E2F4: variants seen among roughly 807,000 people sequenced by gnomAD.
E2F4 encodes transcription factor E2F4.
A neutral mutation model predicts 44.5 loss-of-function variants in E2F4; 16 were observed. That is an observed-to-expected ratio of 0.36 (90% CI 0.24 to 0.55). The LOEUF (loss-of-function observed/expected upper bound fraction) is 0.55, where lower values mean the gene tolerates loss of function less well. Ranked by LOEUF, E2F4 falls within the 20% of genes least tolerant of loss-of-function variation. The probability of loss-of-function intolerance (pLI) is 0.87; values close to 1 mark genes in which losing one functional copy is unlikely to be tolerated. For missense variants in E2F4, 473 were observed against 522.1 expected (o/e 0.91, Z 0.92); for synonymous variants, 242 against 207.2 (o/e 1.17, Z -1.44).
Position 67,198,275 on chromosome 16 carries a change from C to A in E2F4, c.*152C>A. ...TCACCGCACAGTTCTGGCCACAGCT[C>A]CCGCTCCTGTGCTGGCACTTCTGTG... On this transcript the variant is annotated 3_prime_UTR_variant, in exon 10 of 10. Coordinates refer to ENST00000379378, the MANE Select transcript of E2F4 (RefSeq NM_001950.4). The A allele has an allele frequency of 1.5e-6, 1 of 662,834 alleles. No homozygotes were observed. The highest frequency in any genetic ancestry group is 2.6e-5 in the East Asian group (1 of 37,836). The allele number at this position is 662,834 out of a possible 1,614,324, so 41.1% of individuals were successfully genotyped here. A position where few individuals can be genotyped will look rare whatever the true frequency, so the allele number is the denominator to read the frequency against.
In E2F4 at chr16:67,192,293, G is replaced by A. The variant is rs1207583015; in HGVS notation, c.66G>A (p.Leu22=). ...CTCCAAGCCGGCACGAAAAGAGCCTGGGACTGCTCACCACCAAGTTCGTGT... is the reference window on the plus strand; with the variant it reads ...CTCCAAGCCGGCACGAAAAGAGCCTAGGACTGCTCACCACCAAGTTCGTGT... ...PGTPSRHEKS[L]GLLTTKFVSL... The change falls in exon 1 of 10, where the codon CTG becomes CTA. Residue 22 remains leucine (L), a synonymous_variant. Coordinates refer to ENST00000379378, the MANE Select transcript of E2F4 (RefSeq NM_001950.4). 7.2e-7 allele frequency: 1 copy of A among 1,397,624 alleles called. No individual in the cohort carries two copies. The highest frequency in any genetic ancestry group is 3.0e-5 in the Admixed American group (1 of 33,010). 86.6% of individuals were successfully genotyped at this position (1,397,624 alleles called of 1,614,324 possible).
chr16:67,198,227 C>T lies in E2F4; in HGVS notation c.*104C>T, dbSNP rs3730413. The T allele has an allele frequency of 1.9e-4, 192 of 995,932 alleles. 1 individual carries two copies. The highest frequency in any genetic ancestry group is 1.6e-3 in the South Asian group (120 of 74,620). 61.7% of individuals were successfully genotyped at this position (995,932 alleles called of 1,614,324 possible). A position where few individuals can be genotyped will look rare whatever the true frequency, so the allele number is the denominator to read the frequency against. On this transcript the variant is annotated 3_prime_UTR_variant, in exon 10 of 10. Transcript: ENST00000379378. ...CCCTACAGAGCTTGAGAGCCACAGACGCCTGGCTTCTCCGGCCTCCCCTCA... is the reference window on the plus strand; with the variant it reads ...CCCTACAGAGCTTGAGAGCCACAGATGCCTGGCTTCTCCGGCCTCCCCTCA...
chr16:67,198,116 A>G lies in E2F4; in HGVS notation c.1235A>G (p.Asn412Ser). The part of the protein sequence containing the change: ...VCDLFDVPVL[N>S]L The stretch of plus-strand genomic sequence containing the variant: ...GACCTCTTTGATGTGCCTGTTCTCA[A>G]CCTCTGACTGACAGGGACATGCCCT... The change falls in exon 10 of 10, where the codon AAC becomes AGC. Residue 412 changes from asparagine to serine, a missense_variant. Transcript: ENST00000379378. 1.2e-6 allele frequency: 2 copies of G among 1,613,384 alleles called. No individual in the cohort carries two copies. The highest frequency in any genetic ancestry group is 1.7e-6 in the Non-Finnish European group (2 of 1,179,686).
At position 67,198,576 on chromosome 16, in the gene E2F4, A is replaced by C; in HGVS notation, c.*453A>C. ...TTCCTTCGCTATCCCCCACCCCCTGACCCTCCAGCTCCTCCTGGCCCTCTC... is the reference window on the plus strand; with the variant it reads ...TTCCTTCGCTATCCCCCACCCCCTGCCCCTCCAGCTCCTCCTGGCCCTCTC... On this transcript the variant is annotated 3_prime_UTR_variant, in exon 10 of 10. Coordinates refer to ENST00000379378, the MANE Select transcript of E2F4 (RefSeq NM_001950.4). 5.5e-6 allele frequency: 1 copy of C among 183,424 alleles called. No homozygotes were observed. The allele number at this position is 183,424 out of a possible 1,614,324, so 11.4% of individuals were successfully genotyped here. A position where few individuals can be genotyped will look rare whatever the true frequency, so the allele number is the denominator to read the frequency against.
intron 7 of E2F4, 113 bp downstream of exon 7, chr16:67,196,119 C>G: frequency 6.8e-7 from 1 of 1,477,520 alleles, no homozygotes; most frequent in Non-Finnish European, 9.3e-7. Flanking sequence ...CTGCTGGACA[C>G]GAGAGCTCTC....
intron 4 of E2F4, chr16:67,194,140 C>CTGTGG: frequency 2.0e-6 from 1 of 502,470 alleles, no homozygotes; most frequent in Non-Finnish European, 3.6e-6. Flanking sequence ...AGGGATCAGC[C>CTGTGG]ATCGGTAGAG....
In E2F4 at chr16:67,195,860, C is replaced by T. The variant is rs960839445; in HGVS notation, c.887C>T (p.Thr296Ile). ...CCACTGGGCCCAACAACACTGGACACCCGGCCACTGCAGTCTTCTGCCCTG... is the reference window on the plus strand; with the variant it reads ...CCACTGGGCCCAACAACACTGGACATCCGGCCACTGCAGTCTTCTGCCCTG... ...SLPLGPTTLDTRPLQSSALLD... is the reference protein window; with the variant it reads ...SLPLGPTTLDIRPLQSSALLD... Residue 296 changes from threonine (T) to isoleucine (I), a missense_variant, in exon 7 of 10, where the codon ACC becomes ATC. Thr to Ile is a moderately conservative substitution (Grantham distance 89, BLOSUM62 -1). This residue lies in a region of E2F4 where 314 missense variants were observed against 315.6 expected (regional missense o/e 0.99). Coordinates refer to ENST00000379378, the MANE Select transcript of E2F4 (RefSeq NM_001950.4). 6.2e-7 allele frequency: 1 copy of T among 1,614,118 alleles called. No homozygotes were observed. Among genetic ancestry groups the T allele is most frequent in the Admixed American group, 1.7e-5 (1 of 60,032 alleles).
chr16:67,198,151 G>A lies in E2F4; in HGVS notation c.*28G>A. ...GACAGGGACATGCCCTGTGTGGCTG[G>A]GACCCAGACTGTCTGACCTGGGGGT... On this transcript the variant is annotated 3_prime_UTR_variant, in exon 10 of 10. Transcript: ENST00000379378. 6.2e-7 allele frequency: 1 copy of A among 1,603,220 alleles called. No homozygotes were observed. Among genetic ancestry groups the A allele is most frequent in the Non-Finnish European group, 8.5e-7 (1 of 1,171,616 alleles).
At chr16:67,195,094 GA>G (rs2032946848) in intron 6 of E2F4, 114 bp downstream of exon 6, 2 of 1,338,226 alleles carry the variant, frequency 1.5e-6, no homozygotes, top group Admixed American at 5.1e-5. Context: ...TCCTTTTCCT[GA>G]CCACCTAGCC....
rs376202405 is a variant in E2F4 at position 67,195,929 on chromosome 16, G to A, written c.956G>A (p.Ser319Asn). 5.0e-5 allele frequency: 81 copies of A among 1,613,628 alleles called. No homozygotes were observed. The highest frequency in any genetic ancestry group is 4.0e-4 in the South Asian group (36 of 91,070). ...AGCAGCAGCAGCAGCAGCAGCAGCAGCAACAGTAACAGCAGCAGTTCGTCC... is the reference window on the plus strand; with the variant it reads ...AGCAGCAGCAGCAGCAGCAGCAGCAACAACAGTAACAGCAGCAGTTCGTCC... ...SSSSSSSSSS[S>N]NSNSSSSSGP... Residue 319 changes from serine (S) to asparagine (N), a missense_variant, in exon 7 of 10, where the codon AGC (serine) becomes AAC (asparagine). Coordinates refer to ENST00000379378, the MANE Select transcript of E2F4 (RefSeq NM_001950.4).
chr16:67,196,367 C>A (rs1259529646), intron 7 of E2F4, among the ~76,000 whole-genome samples: 4 of 152,116 alleles, frequency 2.6e-5, no homozygotes, highest in Admixed American at 2.6e-4. Context: ...CAGCAGTCAC[C>A]CCCCCAGCCC....
Position 67,197,889 on chromosome 16 carries a change from G to A in E2F4, c.1104G>A (p.Leu368=). 6.2e-7 allele frequency: 1 copy of A among 1,614,140 alleles called. No homozygotes were observed. The highest frequency in any genetic ancestry group is 8.5e-7 in the Non-Finnish European group (1 of 1,180,006). The change falls in exon 9 of 10, where the codon CTG becomes CTA. Residue 368 remains leucine (L), a synonymous_variant. Coordinates refer to ENST00000379378, the MANE Select transcript of E2F4 (RefSeq NM_001950.4). ...CAGAGTGCATGAGCTCGGAGCTGCT[G>A]GAGGAGTTGATGTCCTCAGAAGGTG... ...PTRECMSSEL[L]EELMSSEVFA...
At position 67,198,393 on chromosome 16, in the gene E2F4, G is replaced by A. The variant is rs1466589013; in HGVS notation, c.*270G>A. ...CTGCGGCCTTCGCCAGCCCAGGCTC[G>A]GCTGCCACCCAGTGGCACAGAACCG... On this transcript the variant is annotated 3_prime_UTR_variant, in exon 10 of 10. Coordinates refer to ENST00000379378, the MANE Select transcript of E2F4 (RefSeq NM_001950.4). 1.7e-5 allele frequency: 8 copies of A among 459,890 alleles called. No individual in the cohort carries two copies. The highest frequency in any genetic ancestry group is 1.2e-4 in the South Asian group (5 of 43,226). 28.5% of individuals were successfully genotyped at this position (459,890 alleles called of 1,614,324 possible). A position where few individuals can be genotyped will look rare whatever the true frequency, so the allele number is the denominator to read the frequency against.
intron 7 of E2F4, among the ~76,000 whole-genome samples, chr16:67,197,183 G>A (rs2032982624): frequency 6.6e-6 from 1 of 152,158 alleles, no homozygotes; most frequent in Non-Finnish European, 1.5e-5. Context: ...CTGGCCAGAG[G>A]TTTGTAGTGG....
At chr16:67,194,363 C>A (rs752220865) in intron 4 of E2F4, 35 bp from the exon 5 acceptor site, 9 of 1,611,098 alleles carry the variant, frequency 5.6e-6, no homozygotes, top group Non-Finnish European at 7.6e-6. Context: ...CAGATTGAGC[C>A]CATGGGCTCT....
chr16:67,196,026 G>A lies in E2F4; in HGVS notation c.1033+20G>A, dbSNP rs2032964644. On this transcript the variant is annotated intron_variant, in intron 7 of 9. Coordinates refer to ENST00000379378, the MANE Select transcript of E2F4 (RefSeq NM_001950.4). ...CAGGTGGTGAGTACCTGCCCCCTGG[G>A]GGCAGAGAGAGAGAGTCTAGCCTCA... 6.2e-7 allele frequency: 1 copy of A among 1,612,754 alleles called. No individual in the cohort carries two copies. The highest frequency in any genetic ancestry group is 8.5e-7 in the Non-Finnish European group (1 of 1,178,790).
At chr16:67,196,978 C>T (rs980472858) in intron 7 of E2F4, among the ~76,000 whole-genome samples, 1 of 152,228 alleles carries the variant, frequency 6.6e-6, no homozygotes, top group African/African-American at 2.4e-5. Flanking sequence ...CAGCATCTTT[C>T]TCTTTACCCT....
intron 4 of E2F4, among the ~76,000 whole-genome samples, chr16:67,193,826 T>C (rs534067052): frequency 6.6e-6 from 1 of 152,296 alleles, no homozygotes; most frequent in African/African-American, 2.4e-5. Flanking sequence ...ATGTGTGTAT[T>C]TGCTTGTGTG....
chr16:67,195,190 A>C (rs1167777439), intron 6 of E2F4, among the ~76,000 whole-genome samples: 3 of 152,170 alleles, frequency 2.0e-5, no homozygotes, highest in African/African-American at 7.2e-5. Flanking sequence ...TGGAGTGTGC[A>C]ATGGCGCGAT....
Sources: gnomAD v4.1 joint callset for allele counts (sites outside exome capture counted in the v4.1 genomes callset) on GRCh38, gnomAD v4.1.1 for gene constraint, gnomAD v4.1.1 regional missense constraint, MANE v1.5 for transcripts, NCBI Gene and HGNC (gene_info 2026-07-23, HGNC 2026-07-21) for gene names.